CNGB3: variants seen among roughly 807,000 people sequenced by gnomAD.
CNGB3 encodes cyclic nucleotide gated channel subunit beta 3.
CNGB3 carries 86 observed loss-of-function variants against 92.8 expected under a neutral mutation model. That is an observed-to-expected ratio of 0.93 (90% CI 0.78 to 1.11). The LOEUF (loss-of-function observed/expected upper bound fraction) is 1.11, where lower values mean the gene tolerates loss of function less well. CNGB3 is among the 50% of genes least tolerant of loss of function. CNGB3 has a pLI of 0.00. For synonymous variants in CNGB3, 333 were observed against 332.7 expected (o/e 1.00, Z -0.01); for missense variants, 1,026 against 956.8 (o/e 1.07, Z -0.95).
intron 13 of CNGB3, among the ~76,000 whole-genome samples, chr8:86,612,516 T>C (rs1448482861): frequency 6.6e-6 from 1 of 152,214 alleles, no homozygotes; most frequent in Non-Finnish European, 1.5e-5. Context: ...GTAGAGTCAG[T>C]GGCAGAGAAA....
intron 13 of CNGB3, among the ~76,000 whole-genome samples, chr8:86,618,504 A>G (rs188165107): frequency 7.7e-4 from 114 of 147,462 alleles, no homozygotes; most frequent in African/African-American, 2.6e-3. Context: ...TATCTCATTT[A>G]TTTAGTATCT....
At chr8:86,709,037 A>G (rs1017594807) in intron 3 of CNGB3, among the ~76,000 whole-genome samples, 1 of 152,156 alleles carries the variant, frequency 6.6e-6, no homozygotes, top group South Asian at 2.1e-4. Flanking sequence ...TATTGTTTAA[A>G]TGTGGAAAAT....
At chr8:86,596,074 G>T (rs754182582) in intron 15 of CNGB3, among the ~76,000 whole-genome samples, 1 of 152,130 alleles carries the variant, frequency 6.6e-6, no homozygotes, top group Non-Finnish European at 1.5e-5. Flanking sequence ...AACAATGAAA[G>T]AAATGCAGAA....
intron 3 of CNGB3, among the ~76,000 whole-genome samples, chr8:86,695,317 GGGGAGAGGGAGA>G (rs1333947613): frequency 2.0e-5 from 3 of 151,942 alleles, no homozygotes; most frequent in Non-Finnish European, 2.9e-5. Flanking sequence ...CCATGGGGAG[GGGGAGAGGGAGA>G]GGGAGAGGGA....
intron 2 of CNGB3, among the ~76,000 whole-genome samples, chr8:86,736,393 T>G (rs932104681): frequency 6.6e-6 from 1 of 152,144 alleles, no homozygotes; most frequent in Non-Finnish European, 1.5e-5. Flanking sequence ...AAATGAAACT[T>G]CCACAAAAGA....
At chr8:86,582,181 G>T (rs111630666) in intron 15 of CNGB3, among the ~76,000 whole-genome samples, 1 of 152,026 alleles carries the variant, frequency 6.6e-6, no homozygotes, top group Non-Finnish European at 1.5e-5. Flanking sequence ...GATCACTTGA[G>T]CTCAGAGTTC....
chr8:86,638,630 AG>A (rs1823119869), intron 10 of CNGB3, among the ~76,000 whole-genome samples: 1 of 152,104 alleles, frequency 6.6e-6, no homozygotes, highest in Non-Finnish European at 1.5e-5. Flanking sequence ...TTATGGGCCT[AG>A]TAGCACACAA....
chr8:86,693,218 T>G (rs566829449), intron 3 of CNGB3, among the ~76,000 whole-genome samples: 55 of 152,092 alleles, frequency 3.6e-4, no homozygotes, highest in African/African-American at 1.3e-3. Context: ...GTGTTGATCT[T>G]TTTGCTATGA....
At chr8:86,668,372 A>G (rs1479468082) in intron 4 of CNGB3, among the ~76,000 whole-genome samples, 2 of 152,136 alleles carry the variant, frequency 1.3e-5, no homozygotes, top group Non-Finnish European at 2.9e-5. Flanking sequence ...ACATTAGGAA[A>G]AATACCTAAT....
At chr8:86,685,993 A>G (rs1409523679) in intron 3 of CNGB3, among the ~76,000 whole-genome samples, 2 of 152,084 alleles carry the variant, frequency 1.3e-5, no homozygotes, top group Non-Finnish European at 1.5e-5. Context: ...CTAATATTTT[A>G]CAGAGGAGAA....
chr8:86,619,419 G>A (rs1316219154), intron 13 of CNGB3, among the ~76,000 whole-genome samples: 2 of 152,054 alleles, frequency 1.3e-5, no homozygotes, highest in East Asian at 3.9e-4. Context: ...CAAGGAAGAG[G>A]AATCATTTTT....
chr8:86,618,262 A>G (rs1208506318), intron 13 of CNGB3, among the ~76,000 whole-genome samples: 1 of 152,168 alleles, frequency 6.6e-6, no homozygotes, highest in African/African-American at 2.4e-5. Context: ...CCGGTTCCCA[A>G]CAGGCCACCG....
intron 3 of CNGB3, among the ~76,000 whole-genome samples, chr8:86,724,058 CA>C (rs1214047364): frequency 1.3e-5 from 2 of 152,002 alleles, no homozygotes; most frequent in African/African-American, 4.8e-5. Flanking sequence ...GGCTGAGGGT[CA>C]AAAAACTACC....
intron 3 of CNGB3, among the ~76,000 whole-genome samples, chr8:86,720,839 T>C (rs62525704): frequency 0.018 from 2,310 of 129,540 alleles, 51 homozygotes; most frequent in African/African-American, 0.056. Flanking sequence ...TATATATGTA[T>C]ACACACACAC....
At chr8:86,694,018 G>T (rs1187597018) in intron 3 of CNGB3, among the ~76,000 whole-genome samples, 94 of 151,722 alleles carry the variant, frequency 6.2e-4, no homozygotes, top group African/African-American at 2.1e-3. Context: ...TCCCAGTAGG[G>T]GTGGCCGGGC....
At position 86,625,986 on chromosome 8, in the gene CNGB3, G is replaced by A; in HGVS notation, c.1575C>T (p.Phe525=). 1.9e-6 allele frequency: 3 copies of A among 1,612,452 alleles called. No homozygotes were observed. In the South Asian group the frequency reaches 3.3e-5, roughly 18 times the overall value. ...TATTAATTGTAAAAGCACTTGCCTT[G>A]AACAAGTCGACTTTGCTGATGATGC... ...NFSIISKVDL[F]KGCDTQMIYD... is the part of the protein sequence containing the mutation. Residue 525 remains phenylalanine (F), a synonymous_variant, in exon 13 of 18, where the codon TTC becomes TTT. Transcript: ENST00000320005.
At chr8:86,587,318 C>T (rs1821919185) in intron 15 of CNGB3, among the ~76,000 whole-genome samples, 1 of 152,056 alleles carries the variant, frequency 6.6e-6, no homozygotes, top group Non-Finnish European at 1.5e-5. Context: ...GTTTCTTTTG[C>T]CGTGCAGAAG....
intron 3 of CNGB3, among the ~76,000 whole-genome samples, chr8:86,676,257 G>A (rs183914156): frequency 5.8e-4 from 89 of 152,248 alleles, no homozygotes; most frequent in African/African-American, 2.0e-3. Flanking sequence ...TAACATGAGT[G>A]GGTGGTGATC....
intron 3 of CNGB3, among the ~76,000 whole-genome samples, chr8:86,702,160 C>T (rs7014125): frequency 0.69 from 104,506 of 151,986 alleles, 36,671 homozygotes; most frequent in African/African-American, 0.83. Flanking sequence ...CATTAAGAGG[C>T]AAACAGATGA....
Sources: allele counts gnomAD v4.1 joint callset (sites outside exome capture counted in the v4.1 genomes callset), GRCh38; gene constraint gnomAD v4.1.1; transcripts MANE v1.5; gene names NCBI Gene and HGNC (gene_info 2026-07-23, HGNC 2026-07-21).